ADGRL3: variants seen among roughly 807,000 people sequenced by gnomAD.
The protein encoded by ADGRL3 is calcium-independent alpha-latrotoxin receptor 3.
In ADGRL3, 62 loss-of-function variants were observed where a neutral mutation model predicts 153.5. The observed-to-expected ratio is 0.40, with a 90% CI of 0.33 to 0.50. The LOEUF is 0.50. Ranked by LOEUF, ADGRL3 falls within the 20% of genes least tolerant of loss-of-function variation. The probability of loss-of-function intolerance (pLI) is 0.47; values close to 1 mark genes in which losing one functional copy is unlikely to be tolerated. For missense variants in ADGRL3, 1,641 were observed against 1,859.4 expected (o/e 0.88, Z 2.16); for synonymous variants, 710 against 672.5 (o/e 1.06, Z -0.86).
At chr4:61,932,341 T>C (rs1387729309) in intron 13 of ADGRL3, among the ~76,000 whole-genome samples, 1 of 152,182 alleles carries the variant, frequency 6.6e-6, no homozygotes, top group Non-Finnish European at 1.5e-5. Flanking sequence ...CTTTATCATG[T>C]TGAAGTAACT....
chr4:61,760,118 T>C (rs1452635591), intron 8 of ADGRL3, among the ~76,000 whole-genome samples: 1 of 152,210 alleles, frequency 6.6e-6, no homozygotes, highest in Non-Finnish European at 1.5e-5. Context: ...AGGGACCCAC[T>C]TGAGGCAGTC....
intron 6 of ADGRL3, among the ~76,000 whole-genome samples, chr4:61,723,013 A>G (rs894402919): frequency 1.1e-4 from 17 of 152,184 alleles, no homozygotes; most frequent in African/African-American, 2.2e-4. Context: ...AGTCAAAAAT[A>G]CATGTCTTAG....
chr4:61,247,386 A>G (rs1029565173), intron 1 of ADGRL3, among the ~76,000 whole-genome samples: 2 of 152,220 alleles, frequency 1.3e-5, no homozygotes, highest in Admixed American at 6.6e-5. Flanking sequence ...AGATTCTATA[A>G]ACATACTTAG....
chr4:61,591,527 A>G (rs1000152226), intron 5 of ADGRL3, among the ~76,000 whole-genome samples: 14 of 152,164 alleles, frequency 9.2e-5, no homozygotes, highest in African/African-American at 3.4e-4. Context: ...TTCAGTGGGT[A>G]CAATATAGAA....
chr4:61,927,375 A>T (rs2098798990), intron 13 of ADGRL3, among the ~76,000 whole-genome samples: 1 of 152,172 alleles, frequency 6.6e-6, no homozygotes, highest in East Asian at 1.9e-4. Context: ...TAAAAAAAAA[A>T]ATAAGAGGTC....
chr4:61,337,706 T>A (rs887404161), intron 1 of ADGRL3, among the ~76,000 whole-genome samples: 1 of 152,196 alleles, frequency 6.6e-6, no homozygotes, highest in Non-Finnish European at 1.5e-5. Flanking sequence ...TTCACGTGTA[T>A]TTTCTTTTTT....
At chr4:61,963,123 G>A (rs1202452061) in intron 17 of ADGRL3, among the ~76,000 whole-genome samples, 1 of 149,578 alleles carries the variant, frequency 6.7e-6, no homozygotes, top group Admixed American at 6.6e-5. Context: ...CGTGATATAA[G>A]GCTGTATTTT....
At chr4:61,576,369 G>A (rs1166358936) in intron 4 of ADGRL3, among the ~76,000 whole-genome samples, 1 of 151,640 alleles carries the variant, frequency 6.6e-6, no homozygotes, top group African/African-American at 2.4e-5. Flanking sequence ...ATTTTGGCTA[G>A]TCTATCACAT....
chr4:61,606,346 A>G (rs1304425517), intron 5 of ADGRL3, among the ~76,000 whole-genome samples: 1 of 152,216 alleles, frequency 6.6e-6, no homozygotes, highest in Admixed American at 6.6e-5. Flanking sequence ...TGACTGTGTT[A>G]GTTTGCTAAG....
At chr4:61,765,665 G>A (rs1002688543) in intron 8 of ADGRL3, among the ~76,000 whole-genome samples, 1 of 152,062 alleles carries the variant, frequency 6.6e-6, no homozygotes, top group African/African-American at 2.4e-5. Context: ...GACTGCGGTG[G>A]CCTTCTCACA....
chr4:61,602,962 T>C (rs1032525030), intron 5 of ADGRL3, among the ~76,000 whole-genome samples: 1 of 152,206 alleles, frequency 6.6e-6, no homozygotes, highest in African/African-American at 2.4e-5. Flanking sequence ...TAGCATATCA[T>C]ATCACCTACA....
At chr4:61,451,563 G>T (rs1179844588) in intron 2 of ADGRL3, among the ~76,000 whole-genome samples, 3 of 152,078 alleles carry the variant, frequency 2.0e-5, no homozygotes, top group Admixed American at 6.5e-5. Flanking sequence ...CAACATACAA[G>T]GCAAAGAGAT....
intron 5 of ADGRL3, among the ~76,000 whole-genome samples, chr4:61,597,220 G>T (rs527907501): frequency 9.9e-5 from 15 of 151,930 alleles, no homozygotes; most frequent in Admixed American, 9.2e-4. Context: ...GTAATGCTTG[G>T]CAAAGAATAT....
At chr4:61,930,697 T>C (rs2098814197) in intron 13 of ADGRL3, among the ~76,000 whole-genome samples, 1 of 152,168 alleles carries the variant, frequency 6.6e-6, no homozygotes, top group African/African-American at 2.4e-5. Flanking sequence ...TAGTAGGATA[T>C]GGTATGTCCA....
chr4:61,450,928 C>G (rs923596690), intron 2 of ADGRL3, among the ~76,000 whole-genome samples: 3 of 152,026 alleles, frequency 2.0e-5, no homozygotes, highest in East Asian at 1.9e-4. Flanking sequence ...TGATTATTAA[C>G]TAATATATAA....
In ADGRL3 at chr4:61,776,300, C is replaced by G. The variant is rs146682906; in HGVS notation, c.1400-37509C>G. Among the ~76,000 whole-genome samples the G allele has an allele frequency of 3.4e-3, 515 of 152,238 alleles. 2 individuals carry two copies. Among genetic ancestry groups the G allele is most frequent in the African/African-American group, 0.012 (502 of 41,536 alleles). On this transcript the variant is annotated intron_variant, in intron 8 of 26. Transcript: ENST00000683033. ...CGCCGAAAAGGTAAAATTTTCTAAA[C>G]CTAACAGTGAGCAAGAAGACTATTA...
chr4:62,015,003 C>T (rs1232627378), intron 21 of ADGRL3, among the ~76,000 whole-genome samples: 8 of 152,084 alleles, frequency 5.3e-5, no homozygotes, highest in African/African-American at 1.4e-4. Flanking sequence ...TTTTTCTTTA[C>T]CTCATTTGAA....
intron 9 of ADGRL3, among the ~76,000 whole-genome samples, chr4:61,836,127 A>G (rs2148930301): frequency 6.6e-6 from 1 of 152,290 alleles, no homozygotes; most frequent in Non-Finnish European, 1.5e-5. Flanking sequence ...AGAATATCTC[A>G]TCTAAAAATA....
Position 62,071,082 on chromosome 4 carries a change from G to T in ADGRL3, c.*174G>T. ...TAATGGGATTTTTAGGTCAGCCCAG[G>T]GGAGAAAGATAACTGCTAAAATTCC... On this transcript the variant is annotated 3_prime_UTR_variant, in exon 27 of 27. Transcript: ENST00000683033. 1.7e-6 allele frequency: 1 copy of T among 574,808 alleles called. No individual in the cohort carries two copies. Among genetic ancestry groups the T allele is most frequent in the Admixed American group, 3.2e-5 (1 of 31,068 alleles). 35.6% of individuals were successfully genotyped at this position (574,808 alleles called of 1,614,324 possible).
Sources: gnomAD v4.1 joint callset for allele counts (sites outside exome capture counted in the v4.1 genomes callset) on GRCh38, gnomAD v4.1.1 for gene constraint, MANE v1.5 for transcripts, NCBI Gene and HGNC (gene_info 2026-07-23, HGNC 2026-07-21) for gene names.